Variants in RABGAP1L observed in about 807,000 individuals in gnomAD.
RABGAP1L encodes rab GTPase-activating protein 1-like.
RABGAP1L carries 63 observed loss-of-function variants against 137.7 expected under a neutral mutation model. The observed-to-expected ratio is 0.46, with a 90% CI of 0.37 to 0.56. The LOEUF is 0.56. RABGAP1L is among the 20% of genes least tolerant of loss of function. The pLI is 0.00. For missense variants in RABGAP1L, 1,095 were observed against 1,244.0 expected (o/e 0.88, Z 1.80); for synonymous variants, 431 against 433.7 (o/e 0.99, Z 0.08).
intron 11 of RABGAP1L, among the ~76,000 whole-genome samples, chr1:174,313,156 C>A (rs1679023974): frequency 6.6e-6 from 1 of 151,966 alleles, no homozygotes; most frequent in African/African-American, 2.4e-5. Flanking sequence ...CTTGATCTGA[C>A]CTTGTGATCT....
intron 18 of RABGAP1L, among the ~76,000 whole-genome samples, chr1:174,775,438 C>T (rs573788666): frequency 1.3e-5 from 2 of 151,886 alleles, no homozygotes; most frequent in African/African-American, 2.4e-5. Flanking sequence ...CTCAGCCTCC[C>T]GAGTAGCTGG....
chr1:174,827,875 A>G (rs1370398874), intron 19 of RABGAP1L, among the ~76,000 whole-genome samples: 1 of 147,954 alleles, frequency 6.8e-6, no homozygotes, highest in African/African-American at 2.5e-5. Context: ...AACCTGCCTT[A>G]TTCCTCTCTT....
chr1:174,588,627 G>A (rs1224236914), intron 13 of RABGAP1L, among the ~76,000 whole-genome samples: 1 of 151,848 alleles, frequency 6.6e-6, no homozygotes, highest in Non-Finnish European at 1.5e-5. Context: ...TCAACCTATG[G>A]TAACTATCAT....
At chr1:174,439,836 G>A (rs376863798) in intron 13 of RABGAP1L, among the ~76,000 whole-genome samples, 7 of 152,184 alleles carry the variant, frequency 4.6e-5, no homozygotes, top group South Asian at 2.1e-4. Context: ...CGCAGTGTAG[G>A]CACTTGAAAT....
chr1:174,252,877 T>C (rs1304865736), intron 7 of RABGAP1L, among the ~76,000 whole-genome samples: 1 of 152,202 alleles, frequency 6.6e-6, no homozygotes, highest in Non-Finnish European at 1.5e-5. Flanking sequence ...GCATAAATAC[T>C]TTTAACTTTT....
Position 174,544,878 on chromosome 1 carries a change from C to T in RABGAP1L, c.1711-92497C>T, listed in dbSNP as rs150071699. ...AGTTTGCTGGAGGTCCACTCCAGAC[C>T]CTGTTTGCCTGGGTATCACCAGTGG... On this transcript the variant is annotated intron_variant, in intron 13 of 25. Transcript: ENST00000681986. 363 of 200,452 alleles carry T rather than the reference C, an allele frequency of 1.8e-3. 2 individuals are homozygous for T. Among genetic ancestry groups the T allele is most frequent in the Admixed American group, 0.015 (307 of 19,832 alleles). 12.4% of individuals were successfully genotyped at this position (200,452 alleles called of 1,614,324 possible). A position where few individuals can be genotyped will look rare whatever the true frequency, so the allele number is the denominator to read the frequency against.
intron 19 of RABGAP1L, chr1:174,877,720 G>A (rs1345287761): frequency 9.7e-7 from 1 of 1,032,836 alleles, no homozygotes; most frequent in Non-Finnish European, 1.4e-6. Context: ...ATGTCTACAG[G>A]TTTTCAAAGA....
At chr1:174,445,723 G>A (rs776920252) in intron 13 of RABGAP1L, among the ~76,000 whole-genome samples, 3 of 152,114 alleles carry the variant, frequency 2.0e-5, no homozygotes, top group Non-Finnish European at 2.9e-5. Context: ...CTGCCAATGA[G>A]CATTAGATTA....
intron 18 of RABGAP1L, chr1:174,800,641 C>CCACTGTT: frequency 7.8e-7 from 1 of 1,288,758 alleles, no homozygotes; most frequent in Non-Finnish European, 1.0e-6. Flanking sequence ...TGCTGAGTGG[C>CCACTGTT]CACTGTTGTG....
chr1:174,587,798 T>A (rs1669234889), intron 13 of RABGAP1L, among the ~76,000 whole-genome samples: 1 of 152,222 alleles, frequency 6.6e-6, no homozygotes, highest in Non-Finnish European at 1.5e-5. Flanking sequence ...AAATGAGGTA[T>A]TCACCATCTC....
At chr1:174,270,148 CA>C (rs1454915438) in intron 7 of RABGAP1L, among the ~76,000 whole-genome samples, 1 of 150,664 alleles carries the variant, frequency 6.6e-6, no homozygotes, top group Non-Finnish European at 1.5e-5. Flanking sequence ...AGCAGAGTCC[CA>C]GGGGGTTAGG....
At chr1:174,877,350 C>A in intron 19 of RABGAP1L, 31 of 962,974 alleles carry the variant, frequency 3.2e-5, no homozygotes, top group Middle Eastern at 3.2e-4. Context: ...CTTTCTCTTT[C>A]TTTCTTTCTG....
intron 17 of RABGAP1L, among the ~76,000 whole-genome samples, chr1:174,727,190 C>G (rs955225427): frequency 2.6e-5 from 4 of 152,168 alleles, no homozygotes; most frequent in African/African-American, 9.7e-5. Context: ...TAGCACAATC[C>G]TTTCCTTTCG....
chr1:174,842,604 G>C (rs1693535478), intron 19 of RABGAP1L, among the ~76,000 whole-genome samples: 1 of 152,144 alleles, frequency 6.6e-6, no homozygotes, highest in African/African-American at 2.4e-5. Context: ...GTCTCAAAGA[G>C]GATACACAGT....
At chr1:174,347,489 G>T (rs1370789682) in intron 11 of RABGAP1L, among the ~76,000 whole-genome samples, 4 of 150,624 alleles carry the variant, frequency 2.7e-5, no homozygotes, top group Non-Finnish European at 1.5e-5. Flanking sequence ...GTGTGTGTGT[G>T]TGTGTGTGTG....
chr1:174,415,034 A>G (rs1210740301), intron 13 of RABGAP1L, among the ~76,000 whole-genome samples: 1 of 152,094 alleles, frequency 6.6e-6, no homozygotes, highest in Non-Finnish European at 1.5e-5. Context: ...TTCTATGTAA[A>G]TACCATATTG....
chr1:174,294,873 G>T (rs2148731055), intron 10 of RABGAP1L, among the ~76,000 whole-genome samples: 1 of 152,092 alleles, frequency 6.6e-6, no homozygotes, highest in East Asian at 1.9e-4. Flanking sequence ...GTTCCTGAAA[G>T]AAAAGTTTTG....
At chr1:174,310,431 G>A (rs910413340) in intron 11 of RABGAP1L, among the ~76,000 whole-genome samples, 39 of 152,132 alleles carry the variant, frequency 2.6e-4, no homozygotes, top group African/African-American at 8.9e-4. Context: ...TTGTGCAGTT[G>A]TTAGATGGAA....
chr1:174,627,843 A>G (rs1412568794), intron 13 of RABGAP1L, among the ~76,000 whole-genome samples: 1 of 152,146 alleles, frequency 6.6e-6, no homozygotes, highest in Non-Finnish European at 1.5e-5. Context: ...CCAACCTGAC[A>G]GAGGCAGGAG....
Sources: allele counts gnomAD v4.1 joint callset (sites outside exome capture counted in the v4.1 genomes callset), GRCh38; gene constraint gnomAD v4.1.1; transcripts MANE v1.5; gene names NCBI Gene and HGNC (gene_info 2026-07-23, HGNC 2026-07-21).